The following PYROXD1 variants were observed in gnomAD, a reference collection of about 807,000 sequenced individuals.
PYROXD1 encodes pyridine nucleotide-disulphide oxidoreductase domain 1, also known as tRNA ligase complex-associated NAD(P)H dehydrogenase PYROXD1.
A neutral mutation model predicts 62.0 loss-of-function variants in PYROXD1; 42 were observed. That is an observed-to-expected ratio of 0.68 (90% confidence interval 0.53 to 0.88). The LOEUF is 0.88. PYROXD1 is among the 40% of genes least tolerant of loss of function. The probability of loss-of-function intolerance (pLI) is 0.00; values close to 1 mark genes in which losing one functional copy is unlikely to be tolerated. For synonymous variants in PYROXD1, 170 were observed against 206.4 expected, an observed-to-expected ratio of 0.82 and a Z score of 1.51; for missense variants, 493 against 604.8, an observed-to-expected ratio of 0.82 and a Z score of 1.94.
Position 21,437,927 on chromosome 12 carries a change from C to A in PYROXD1, c.84+113C>A, listed in dbSNP as rs998765669. 3.5e-5 allele frequency: 32 copies of A among 917,488 alleles called. No individual in the cohort carries two copies. In the Admixed American group the frequency reaches 3.7e-4, roughly 10 times the overall value. The allele number at this position is 917,488 out of a possible 1,614,324, so 56.8% of individuals were successfully genotyped here. ...CTTCTTCCGGGTTCCTTTTTTGCTG[C>A]GCCCTTTTCCGCACTTATTGCTCCC... On this transcript the variant is annotated intron_variant, in intron 1 of 11. Coordinates refer to ENST00000240651, the MANE Select transcript of PYROXD1 (RefSeq NM_024854.5).
intron 1 of PYROXD1, 117 bp downstream of exon 1, chr12:21,437,931 CT>C: frequency 2.3e-6 from 2 of 874,880 alleles, no homozygotes; most frequent in Non-Finnish European, 3.4e-6. Context: ...TTGCTGCGCC[CT>C]TTTCCGCACT....
chr12:21,463,416 C>T (rs1006969590), intron 10 of PYROXD1, among the ~76,000 whole-genome samples: 9 of 152,106 alleles, frequency 5.9e-5, no homozygotes, highest in African/African-American at 2.2e-4. Flanking sequence ...GTTCTGGGCG[C>T]AGTGGCTCAC....
chr12:21,455,861 T>C (rs1418963799), intron 6 of PYROXD1, 134 bp from the exon 7 acceptor site: 2 of 609,156 alleles, frequency 3.3e-6, no homozygotes, highest in Non-Finnish European at 5.8e-6. Flanking sequence ...ATGATTAATA[T>C]AGATAACATA....
intron 2 of PYROXD1, among the ~76,000 whole-genome samples, chr12:21,443,189 C>T (rs1942328277): frequency 6.6e-6 from 1 of 152,252 alleles, no homozygotes. Flanking sequence ...CAGAAGCTCC[C>T]AGAATGATAC....
intron 5 of PYROXD1, among the ~76,000 whole-genome samples, chr12:21,454,542 G>A (rs1397164661): frequency 1.3e-5 from 2 of 151,848 alleles, no homozygotes; most frequent in Admixed American, 6.6e-5. Context: ...TTACATTAGT[G>A]GTAAATAGTA....
At chr12:21,466,242 A>G (rs10841826) in intron 10 of PYROXD1, among the ~76,000 whole-genome samples, 51,479 of 142,948 alleles carry the variant, frequency 0.36, 10,139 homozygotes, top group South Asian at 0.49. Flanking sequence ...CATTGAATCT[A>G]TAAATTACCT....
At chr12:21,466,224 G>A (rs1942790611) in intron 10 of PYROXD1, among the ~76,000 whole-genome samples, 1 of 149,980 alleles carries the variant, frequency 6.7e-6, no homozygotes, top group African/African-American at 2.5e-5. Context: ...GTAGCTTGAT[G>A]GGGATGGCAT....
chr12:21,465,317 C>T (rs1942772196), intron 10 of PYROXD1, among the ~76,000 whole-genome samples: 1 of 152,164 alleles, frequency 6.6e-6, no homozygotes, highest in Non-Finnish European at 1.5e-5. Flanking sequence ...TTCTCCACAT[C>T]CTCTCCAGCA....
intron 11 of PYROXD1, among the ~76,000 whole-genome samples, chr12:21,468,132 C>T (rs1050560981): frequency 2.0e-5 from 3 of 151,846 alleles, no homozygotes; most frequent in South Asian, 2.1e-4. Flanking sequence ...CTTTAAACCA[C>T]GACTCCACAT....
intron 5 of PYROXD1, chr12:21,454,820 A>G (rs918188092): frequency 1.2e-5 from 2 of 171,246 alleles, no homozygotes; most frequent in African/African-American, 2.4e-5. Flanking sequence ...GGCCATTCAT[A>G]TAATAAGTGT....
intron 10 of PYROXD1, among the ~76,000 whole-genome samples, chr12:21,465,070 T>C (rs1231206300): frequency 6.6e-6 from 1 of 152,192 alleles, no homozygotes; most frequent in Non-Finnish European, 1.5e-5. Flanking sequence ...AGTCTATCAT[T>C]GTTGGACATT....
intron 5 of PYROXD1, among the ~76,000 whole-genome samples, chr12:21,453,622 C>G (rs965178917): frequency 1.3e-5 from 2 of 151,950 alleles, no homozygotes; most frequent in Non-Finnish European, 2.9e-5. Context: ...AAAATGAAAG[C>G]AGTATTTCCC....
intron 3 of PYROXD1, among the ~76,000 whole-genome samples, chr12:21,448,892 A>C (rs1942440749): frequency 6.6e-6 from 1 of 152,210 alleles, no homozygotes; most frequent in African/African-American, 2.4e-5. Context: ...AAGCCAATAC[A>C]TGCTAGGATT....
chr12:21,445,343 A>G lies in PYROXD1; in HGVS notation c.166-4A>G, dbSNP rs1427517959. On this transcript the variant is annotated splice_region_variant and splice_polypyrimidine_tract_variant and intron_variant, in intron 2 of 11. Transcript: ENST00000240651. ...TACATTTTTAATCTCTTGGATCTAT[A>G]CAGATTTCTAAAATATTGGAAGAAT... 6.3e-7 allele frequency: 1 copy of G among 1,586,090 alleles called. No individual in the cohort carries two copies. Among genetic ancestry groups the G allele is most frequent in the Non-Finnish European group, 8.5e-7 (1 of 1,171,174 alleles).
chr12:21,437,866 AG>A (rs1453552167), intron 1 of PYROXD1, 52 bp downstream of exon 1: 6 of 1,507,676 alleles, frequency 4.0e-6, no homozygotes, highest in Admixed American at 1.9e-5. Flanking sequence ...CAAAGGGGAT[AG>A]CACTGGAGGC....
intron 3 of PYROXD1, chr12:21,447,981 TA>T (rs34838731): frequency 0.045 from 12,354 of 271,846 alleles, no homozygotes; most frequent in East Asian, 0.07. Context: ...AGACTCCATC[TA>T]AAAAAAAAAA....
At chr12:21,450,482 C>G (rs532702405) in intron 4 of PYROXD1, among the ~76,000 whole-genome samples, 30 of 152,218 alleles carry the variant, frequency 2.0e-4, no homozygotes, top group African/African-American at 6.5e-4. Context: ...TTGTTCTGCC[C>G]TAGATAAACT....
Position 21,470,039 on chromosome 12 carries a change from C to T in PYROXD1, c.*1285C>T. ...ATGATCTCTAATTTTCAAACATTCT[C>T]AAAAGTTTAGATCTTCAGAGATAAG... On this transcript the variant is annotated 3_prime_UTR_variant, in exon 12 of 12. Coordinates refer to ENST00000240651, the MANE Select transcript of PYROXD1 (RefSeq NM_024854.5). 1.3e-6 allele frequency: 1 copy of T among 757,026 alleles called. No individual in the cohort carries two copies. The highest frequency in any genetic ancestry group is 3.1e-5 in the South Asian group (1 of 32,158). The allele number at this position is 757,026 out of a possible 1,614,324, so 46.9% of individuals were successfully genotyped here. A position where few individuals can be genotyped will look rare whatever the true frequency, so the allele number is the denominator to read the frequency against.
intron 7 of PYROXD1, among the ~76,000 whole-genome samples, chr12:21,460,421 T>A (rs545021945): frequency 0.011 from 1,284 of 111,836 alleles, 14 homozygotes; most frequent in African/African-American, 0.042. Flanking sequence ...TATTTATTTA[T>A]TTTATTTATT....
Sources: gnomAD v4.1 joint callset for allele counts (sites outside exome capture counted in the v4.1 genomes callset) on GRCh38, gnomAD v4.1.1 for gene constraint, MANE v1.5 for transcripts, NCBI Gene and HGNC (gene_info 2026-07-23, HGNC 2026-07-21) for gene names.